Variants in DLGAP1 observed in about 807,000 individuals in gnomAD.
The protein encoded by DLGAP1 is disks large-associated protein 1.
In DLGAP1, 11 loss-of-function variants were observed where a neutral mutation model predicts 90.8. The observed-to-expected ratio is 0.12, with a 90% CI of 0.08 to 0.20. The LOEUF (loss-of-function observed/expected upper bound fraction) is 0.20. DLGAP1 is among the 10% of genes least tolerant of loss of function. DLGAP1 has a pLI of 1.00. For missense variants in DLGAP1, 1,050 were observed against 1,333.8 expected (o/e 0.79, Z 3.31); for synonymous variants, 558 against 540.7 (o/e 1.03, Z -0.44).
At chr18:3,858,003 T>C (rs1185912109) in intron 4 of DLGAP1, among the ~76,000 whole-genome samples, 1 of 152,210 alleles carries the variant, frequency 6.6e-6, no homozygotes, top group Non-Finnish European at 1.5e-5. Flanking sequence ...TCTTATCTGG[T>C]TTACTATAAT....
intron 2 of DLGAP1, among the ~76,000 whole-genome samples, chr18:4,090,266 G>A (rs528645071): frequency 6.6e-6 from 1 of 152,164 alleles, no homozygotes; most frequent in Admixed American, 6.5e-5. Flanking sequence ...TTAAACTAAA[G>A]AGCTTTGGCA....
At chr18:3,560,452 T>C (rs1178146844) in intron 9 of DLGAP1, among the ~76,000 whole-genome samples, 2 of 140,652 alleles carry the variant, frequency 1.4e-5, no homozygotes, top group Non-Finnish European at 3.0e-5. Context: ...TAGCCAGGTG[T>C]GGTGGCGTGG....
At chr18:4,053,237 TG>T (rs759254713) in intron 2 of DLGAP1, among the ~76,000 whole-genome samples, 39 of 152,234 alleles carry the variant, frequency 2.6e-4, no homozygotes, top group Non-Finnish European at 5.9e-5. Flanking sequence ...CAGTTTAGCA[TG>T]GCTGGTGAGG....
intron 3 of DLGAP1, among the ~76,000 whole-genome samples, chr18:3,922,576 G>A (rs1172794311): frequency 6.6e-6 from 1 of 152,110 alleles, no homozygotes; most frequent in Non-Finnish European, 1.5e-5. Flanking sequence ...TGGACATATT[G>A]CAAATCATCA....
chr18:4,386,910 G>A (rs28549020), intron 1 of DLGAP1, among the ~76,000 whole-genome samples: 6,433 of 152,264 alleles, frequency 0.042, 431 homozygotes, highest in African/African-American at 0.15. Flanking sequence ...GGGGTAATTA[G>A]GGTATAAAAT....
intron 8 of DLGAP1, among the ~76,000 whole-genome samples, chr18:3,568,360 AT>A (rs2054554927): frequency 6.6e-6 from 1 of 152,198 alleles, no homozygotes; most frequent in African/African-American, 2.4e-5. Flanking sequence ...TTGACTTTGA[AT>A]ATCACTCCAT....
At chr18:3,630,526 C>T (rs563309408) in intron 7 of DLGAP1, among the ~76,000 whole-genome samples, 24 of 152,328 alleles carry the variant, frequency 1.6e-4, no homozygotes, top group African/African-American at 5.0e-4. Flanking sequence ...CTCCTGTTGT[C>T]TCTGTGTCTC....
intron 1 of DLGAP1, among the ~76,000 whole-genome samples, chr18:4,400,141 G>A (rs975579046): frequency 1.8e-4 from 28 of 151,892 alleles, no homozygotes; most frequent in African/African-American, 5.6e-4. Flanking sequence ...ACCACTACCC[G>A]GGACATCCAC....
intron 7 of DLGAP1, among the ~76,000 whole-genome samples, chr18:3,712,212 G>A (rs1419591395): frequency 6.6e-6 from 1 of 152,228 alleles, no homozygotes; most frequent in African/African-American, 2.4e-5. Flanking sequence ...TATTTCTTGA[G>A]TGTTCTAGAA....
chr18:3,981,453 G>A (rs554979420), intron 3 of DLGAP1, among the ~76,000 whole-genome samples: 1 of 152,364 alleles, frequency 6.6e-6, no homozygotes, highest in Admixed American at 6.5e-5. Context: ...CATGTAGGAG[G>A]CAGGGCTGTG....
At chr18:3,927,009 A>C (rs1208829091) in intron 3 of DLGAP1, among the ~76,000 whole-genome samples, 1 of 152,212 alleles carries the variant, frequency 6.6e-6, no homozygotes. Context: ...CAAATTAAAA[A>C]AATTTAAGCA....
chr18:4,064,269 A>C (rs2075340041), intron 2 of DLGAP1, among the ~76,000 whole-genome samples: 1 of 152,004 alleles, frequency 6.6e-6, no homozygotes, highest in Non-Finnish European at 1.5e-5. Context: ...TGTAGATCAA[A>C]AATAAAATTC....
At chr18:3,959,056 T>G (rs2148979946) in intron 3 of DLGAP1, among the ~76,000 whole-genome samples, 1 of 152,346 alleles carries the variant, frequency 6.6e-6, no homozygotes, top group African/African-American at 2.4e-5. Context: ...AAGATTTCTT[T>G]CAAGCACAGA....
chr18:3,633,690 C>A (rs1382315200), intron 7 of DLGAP1, among the ~76,000 whole-genome samples: 1 of 152,086 alleles, frequency 6.6e-6, no homozygotes. Flanking sequence ...TTTTGTGATT[C>A]CTTAGATAAT....
At chr18:3,915,751 G>A (rs1188358723) in intron 3 of DLGAP1, among the ~76,000 whole-genome samples, 2 of 152,044 alleles carry the variant, frequency 1.3e-5, no homozygotes, top group African/African-American at 4.8e-5. Context: ...TTCCTTTTTG[G>A]GAGAATGTCA....
At position 3,729,301 on chromosome 18, in the gene DLGAP1, G is replaced by A. The variant is rs201792444; in HGVS notation, c.1425C>T (p.Ala475=). ...GCATGGGCAGGTCCAGCGCTTCCAC[G>A]GCCTGCGACTCCAGCTCGCTGAACA... ...ESVFSELESQ[A]VEALDLPMPG... Residue 475 remains alanine, a synonymous_variant, in exon 7 of 13, where the codon GCC becomes GCT. Coordinates refer to ENST00000315677, the MANE Select transcript of DLGAP1 (RefSeq NM_004746.4). This position sits in a 1 kb window ranked among gnomAD's most constrained non-coding sequence, Gnocchi z 6.2. 3 of 1,614,106 alleles carry A rather than the reference G, an allele frequency of 1.9e-6. No homozygotes were observed. The highest frequency in any genetic ancestry group is 2.2e-5 in the East Asian group (1 of 44,876).
intron 7 of DLGAP1, among the ~76,000 whole-genome samples, chr18:3,628,230 C>T (rs2058383073): frequency 6.8e-6 from 1 of 147,586 alleles, no homozygotes; most frequent in African/African-American, 2.5e-5. Context: ...CGCTCTGTCA[C>T]CTAGGCTGGA....
chr18:4,321,954 T>C (rs909068274), intron 1 of DLGAP1, among the ~76,000 whole-genome samples: 3 of 111,400 alleles, frequency 2.7e-5, no homozygotes, highest in African/African-American at 1.3e-4. Context: ...ACTCAGCAGT[T>C]TGGGAGGCCT....
Position 3,830,654 on chromosome 18 carries a change from G to A in DLGAP1, c.958-16381C>T, listed in dbSNP as rs75215472. ...AAAGACAAAGAATTCCATAATGCCC[G>A]GCCTTGATAAAACAAATATAGAGCT... On this transcript the variant is annotated intron_variant, in intron 4 of 12. Transcript: ENST00000315677. Among the ~76,000 whole-genome samples, 1,456 of 152,110 alleles carry A rather than the reference G, an allele frequency of 9.6e-3. 59 individuals carry two copies. The highest frequency in any genetic ancestry group is 0.071 in the East Asian group (366 of 5,172).
Sources: gnomAD v4.1 joint callset for allele counts (sites outside exome capture counted in the v4.1 genomes callset) on GRCh38, gnomAD v4.1.1 for gene constraint, Gnocchi (gnomAD v3.1) non-coding constraint, MANE v1.5 for transcripts, NCBI Gene and HGNC (gene_info 2026-07-23, HGNC 2026-07-21) for gene names.